Variants in FANCD2 observed in about 807,000 individuals in gnomAD.
FANCD2 encodes the protein FA complementation group D2.
A neutral mutation model predicts 192.3 loss-of-function variants in FANCD2; 131 were observed. The ratio of observed to expected loss-of-function variants is 0.68; its 90% confidence interval spans 0.59 to 0.79. The LOEUF (loss-of-function observed/expected upper bound fraction) is 0.79, where lower values mean the gene tolerates loss of function less well. FANCD2 is among the 30% of genes least tolerant of loss of function. The probability of loss-of-function intolerance (pLI) is 0.00; values close to 1 mark genes in which losing one functional copy is unlikely to be tolerated. For missense variants in FANCD2, 1,508 were observed against 1,701.6 expected (o/e 0.89, Z 2.00); for synonymous variants, 524 against 612.5 (o/e 0.86, Z 2.13).
intron 2 of FANCD2, 67 bp from the exon 3 acceptor site, chr3:10,032,765 T>C (rs2086634372): frequency 3.7e-6 from 5 of 1,359,572 alleles, no homozygotes; most frequent in Non-Finnish European, 5.2e-6. Context: ...TGATTATTAT[T>C]CCTGGGTTTA....
At chr3:10,059,127 C>T (rs1157603973) in intron 18 of FANCD2, among the ~76,000 whole-genome samples, 2 of 152,150 alleles carry the variant, frequency 1.3e-5, no homozygotes, top group African/African-American at 4.8e-5. Flanking sequence ...GATCCTCCCA[C>T]CCCAGCCTTC....
At chr3:10,076,563 GAC>G (rs1374192552) in intron 29 of FANCD2, among the ~76,000 whole-genome samples, 1 of 151,930 alleles carries the variant, frequency 6.6e-6, no homozygotes, top group Non-Finnish European at 1.5e-5. Flanking sequence ...TCTTTTTAGA[GAC>G]AGAGTCTTGC....
chr3:10,090,754 G>A lies in FANCD2; in HGVS notation c.3777+369G>A, dbSNP rs1269032744. On this transcript the variant is annotated intron_variant, in intron 37 of 43. Transcript: ENST00000675286. ...ATTACAGACGTGCGCCACTGCGCCC[G>A]GTGGTAGTTGCTGATTCTTCTATGT... 3.3e-5 allele frequency among the ~76,000 whole-genome samples: 5 copies of A among 152,172 alleles called. No homozygotes were observed. The South Asian group carries it at 6.2e-4, about 19-fold the overall frequency.
At position 10,073,083 on chromosome 3, in the gene FANCD2, A is replaced by G. The variant is rs1052967231; in HGVS notation, c.2605+102A>G. 1.2e-5 allele frequency: 10 copies of G among 849,232 alleles called. No homozygotes were observed. In the African/African-American group the frequency reaches 1.4e-4, roughly 11 times the overall value. 52.6% of individuals were successfully genotyped at this position (849,232 alleles called of 1,614,324 possible). ...TGGCATCAGTAATTGGAACAATTGT[A>G]TAACTGAACTCTTCCTTTATTAGAT... On this transcript the variant is annotated intron_variant, in intron 27 of 43. Transcript: ENST00000675286.
chr3:10,078,014 A>G, intron 29 of FANCD2, 67 bp from the exon 30 acceptor site: 1 of 1,181,186 alleles, frequency 8.5e-7, no homozygotes, highest in South Asian at 1.2e-5. Flanking sequence ...AACAAAAAAG[A>G]AAGAAAAAAA....
intron 29 of FANCD2, among the ~76,000 whole-genome samples, chr3:10,075,010 CACA>C (rs1693457841): frequency 1.3e-5 from 2 of 151,996 alleles, no homozygotes; most frequent in South Asian, 2.1e-4. Context: ...TTCACTTTTT[CACA>C]ACATTTGTTC....
At chr3:10,093,403 G>A in intron 39 of FANCD2, 80 bp downstream of exon 39, 1 of 1,238,468 alleles carries the variant, frequency 8.1e-7, no homozygotes. Context: ...GAGATAAATT[G>A]CTCAATTTCT....
Position 10,088,853 on chromosome 3 carries a change from A to C in FANCD2, c.3586A>C (p.Ile1196Leu). Residue 1196 changes from isoleucine to leucine, a missense_variant, in exon 36 of 44, where the codon ATT (isoleucine) becomes CTT (leucine). Around this residue, in one of 5 missense-constraint regions of FANCD2, gnomAD observed 796 missense variants for 879.4 expected, o/e 0.91. Coordinates refer to ENST00000675286, the MANE Select transcript of FANCD2 (RefSeq NM_001018115.3). ...TATCTACCTGGAGCACACAGAGAGC[A>C]TTCTGAAGGCCATAGAGGAGATTGC... is the stretch of plus-strand genomic sequence containing the variant. Reference protein sequence around the residue: ...LCIYLEHTESILKAIEEIAGV... With the variant: ...LCIYLEHTESLLKAIEEIAGV... 6.2e-7 allele frequency: 1 copy of C among 1,614,220 alleles called. No individual in the cohort carries two copies. The highest frequency in any genetic ancestry group is 1.1e-5 in the South Asian group (1 of 91,078).
chr3:10,054,238 G>A (rs9835472), intron 18 of FANCD2, among the ~76,000 whole-genome samples: 4,193 of 149,350 alleles, frequency 0.028, 203 homozygotes, highest in African/African-American at 0.098. Flanking sequence ...TAAATAAAAC[G>A]AAGAGATTAG....
At chr3:10,041,046 T>C (rs986788242) in intron 9 of FANCD2, 1 of 165,984 alleles carries the variant, frequency 6.0e-6, no homozygotes, top group African/African-American at 2.4e-5. Flanking sequence ...ATACAAAAAT[T>C]AGGTGGGCGT....
At chr3:10,035,474 T>C (rs1362966584) in intron 6 of FANCD2, among the ~76,000 whole-genome samples, 1 of 152,218 alleles carries the variant, frequency 6.6e-6, no homozygotes, top group Non-Finnish European at 1.5e-5. Flanking sequence ...TGATTCCTGT[T>C]CTTAAAGCTG....
At chr3:10,078,490 GACTAC>G (rs1168833552) in intron 30 of FANCD2, among the ~76,000 whole-genome samples, 2 of 152,006 alleles carry the variant, frequency 1.3e-5, no homozygotes, top group Non-Finnish European at 2.9e-5. Flanking sequence ...GAGTAGCTGG[GACTAC>G]AGGTGCCTGC....
chr3:10,038,509 A>C (rs2086784932), intron 7 of FANCD2, among the ~76,000 whole-genome samples: 1 of 152,078 alleles, frequency 6.6e-6, no homozygotes, highest in Non-Finnish European at 1.5e-5. Context: ...TTTATTTATA[A>C]ATGATTTTTA....
At chr3:10,089,753 C>A (rs1451878874) in intron 36 of FANCD2, among the ~76,000 whole-genome samples, 2 of 152,190 alleles carry the variant, frequency 1.3e-5, no homozygotes, top group African/African-American at 4.8e-5. Context: ...CAGGCATGAG[C>A]CATTGTGCCC....
At chr3:10,093,748 G>A (rs1377442282) in intron 39 of FANCD2, among the ~76,000 whole-genome samples, 1 of 152,166 alleles carries the variant, frequency 6.6e-6, no homozygotes, top group East Asian at 1.9e-4. Flanking sequence ...CCCTAGATTT[G>A]ATGGGAAGTC....
In FANCD2 at chr3:10,048,013, A is replaced by G. The variant is rs1435844097; in HGVS notation, c.1375A>G (p.Lys459Glu). The G allele has an allele frequency of 1.9e-6, 3 of 1,614,256 alleles. No individual in the cohort carries two copies. ...SIISFGSLLYKYAFKFFDTYC... is the reference protein window; with the variant it reads ...SIISFGSLLYEYAFKFFDTYC... ...AATTTCATTTGGCAGTCTCCTATAC[A>G]AATATGCATTTAAGTTTTTTGACAC... Residue 459 changes from lysine to glutamate, a missense_variant, in exon 16 of 44, where the codon AAA (lysine) becomes GAA (glutamate). Transcript: ENST00000675286.
chr3:10,042,899 G>A (rs1441955744), intron 11 of FANCD2, 151 bp from the exon 12 acceptor site: 5 of 785,756 alleles, frequency 6.4e-6, no homozygotes, highest in African/African-American at 1.7e-5. Context: ...ACATTGCATT[G>A]GCTATTCTCA....
At chr3:10,070,999 C>T (rs1229360462) in intron 26 of FANCD2, among the ~76,000 whole-genome samples, 3 of 143,896 alleles carry the variant, frequency 2.1e-5, no homozygotes, top group Admixed American at 7.0e-5. Flanking sequence ...TGCGGAAGGC[C>T]GCAGGGTCCT....
intron 26 of FANCD2, among the ~76,000 whole-genome samples, chr3:10,071,125 TA>T (rs35134252): frequency 0.38 from 29,688 of 77,582 alleles, 3,945 homozygotes; most frequent in African/African-American, 0.55. Context: ...GAATGATCGA[TA>T]AAAAAAAAAA....
Sources: gnomAD v4.1 joint callset for allele counts (sites outside exome capture counted in the v4.1 genomes callset) on GRCh38, gnomAD v4.1.1 for gene constraint, gnomAD v4.1.1 regional missense constraint, MANE v1.5 for transcripts, NCBI Gene and HGNC (gene_info 2026-07-23, HGNC 2026-07-21) for gene names.